The following SMG6 variants were observed in gnomAD, a reference collection of about 807,000 sequenced individuals.
The protein encoded by SMG6 is SMG6 nonsense mediated mRNA decay factor.
In SMG6, 66 loss-of-function variants were observed where a neutral mutation model predicts 142.2. The ratio of observed to expected loss-of-function variants is 0.46; its 90% CI spans 0.38 to 0.57. The LOEUF (loss-of-function observed/expected upper bound fraction) is 0.57. Among genes scored for constraint, SMG6 ranks in the 20% least tolerant of loss-of-function variants. The probability of loss-of-function intolerance (pLI) is 0.00; values close to 1 mark genes in which losing one functional copy is unlikely to be tolerated. For synonymous variants in SMG6, 779 were observed against 702.4 expected, an observed-to-expected ratio of 1.11 and a Z score of -1.72; for missense variants, 1,793 against 1,832.0, an observed-to-expected ratio of 0.98 and a Z score of 0.39.
At chr17:2,176,699 GCAAGGT>G (rs1555549128) in intron 12 of SMG6, among the ~76,000 whole-genome samples, 1 of 152,138 alleles carries the variant, frequency 6.6e-6, no homozygotes, top group Non-Finnish European at 1.5e-5. Context: ...ATCAGCAGTT[GCAAGGT>G]GACCCACTGG....
intron 8 of SMG6, among the ~76,000 whole-genome samples, chr17:2,249,302 T>A (rs893285966): frequency 6.6e-6 from 1 of 151,914 alleles, no homozygotes; most frequent in African/African-American, 2.4e-5. Context: ...TCAATTTTTA[T>A]CATTTATCTT....
At chr17:2,188,218 GCAAT>G (rs1277349520) in intron 11 of SMG6, among the ~76,000 whole-genome samples, 177 bp downstream of exon 11, 1 of 152,132 alleles carries the variant, frequency 6.6e-6, no homozygotes, top group African/African-American at 2.4e-5. Context: ...GGCCTTAGAG[GCAAT>G]CAGACTGTAA....
At chr17:2,163,263 T>A (rs1353823873) in intron 13 of SMG6, among the ~76,000 whole-genome samples, 1 of 152,136 alleles carries the variant, frequency 6.6e-6, no homozygotes. Context: ...CACAGCTCAC[T>A]ACAGCCTCGA....
At chr17:2,156,233 T>C (rs1219387041) in intron 13 of SMG6, among the ~76,000 whole-genome samples, 2 of 149,076 alleles carry the variant, frequency 1.3e-5, no homozygotes, top group East Asian at 2.0e-4. Flanking sequence ...CTACTAAAAA[T>C]ACAAAAAAAA....
chr17:2,191,129 A>G (rs2072149042), intron 10 of SMG6, among the ~76,000 whole-genome samples: 3 of 152,214 alleles, frequency 2.0e-5, no homozygotes, highest in East Asian at 1.9e-4. Flanking sequence ...GGACCTTTCA[A>G]TAGGGTAAAG....
At chr17:2,162,296 A>G (rs916214537) in intron 13 of SMG6, among the ~76,000 whole-genome samples, 5 of 151,920 alleles carry the variant, frequency 3.3e-5, no homozygotes, top group African/African-American at 1.2e-4. Context: ...CCAGATCACG[A>G]GGTCAGGAGA....
At chr17:2,076,170 G>A (rs922033724) in intron 15 of SMG6, among the ~76,000 whole-genome samples, 6 of 151,998 alleles carry the variant, frequency 3.9e-5, no homozygotes, top group African/African-American at 1.2e-4. Context: ...CCAAACATGC[G>A]TGGTTCCTGT....
At chr17:2,214,851 G>A (rs1309907441) in intron 10 of SMG6, among the ~76,000 whole-genome samples, 2 of 152,188 alleles carry the variant, frequency 1.3e-5, no homozygotes, top group African/African-American at 2.4e-5. Context: ...TGAAACCTGT[G>A]ACGGACACCA....
intron 9 of SMG6, among the ~76,000 whole-genome samples, chr17:2,243,495 A>G (rs998599866): frequency 1.3e-5 from 2 of 152,198 alleles, no homozygotes; most frequent in African/African-American, 4.8e-5. Context: ...AGCCTGGCCA[A>G]TATGGTGAAA....
chr17:2,112,756 T>G (rs1259246303), intron 13 of SMG6, among the ~76,000 whole-genome samples: 2 of 129,650 alleles, frequency 1.5e-5, no homozygotes, highest in African/African-American at 5.9e-5. Context: ...AGCTCCAAAC[T>G]TTTTTTTTTT....
intron 9 of SMG6, among the ~76,000 whole-genome samples, chr17:2,241,447 T>G (rs1055172383): frequency 6.6e-6 from 1 of 152,220 alleles, no homozygotes; most frequent in African/African-American, 2.4e-5. Context: ...TTAAACATGT[T>G]AGGCACCCTA....
chr17:2,201,803 C>G (rs2030226806), intron 10 of SMG6, among the ~76,000 whole-genome samples: 1 of 151,428 alleles, frequency 6.6e-6, no homozygotes, highest in Non-Finnish European at 1.5e-5. Context: ...GTGGGTGGAT[C>G]ACTTGAGGCC....
intron 10 of SMG6, chr17:2,213,923 C>A (rs1473112508): frequency 6.6e-6 from 1 of 152,216 alleles, no homozygotes; most frequent in East Asian, 1.9e-4. Flanking sequence ...CCTACCAACT[C>A]TCTTCACTAA....
In SMG6 at chr17:2,297,922, C is replaced by T. The variant is rs1450179399; in HGVS notation, c.1981G>A (p.Asp661Asn). ...TGTTCTGGGTTCTCAACATTCGGAT[C>T]CTTGACAAGTTGCCTGAACTTCTCA... ...VIEKFRQLVK[D>N]PNVENPEQIR... The change falls in exon 3 of 19, where the codon GAT becomes AAT. Residue 661 changes from aspartate (D) to asparagine (N), a missense_variant. Physicochemically the swap from Asp to Asn is conservative, Grantham distance 23. This residue lies in a region of SMG6 where 1,597 missense variants were observed against 1,584.6 expected (regional missense o/e 1.01). Coordinates refer to ENST00000263073, the MANE Select transcript of SMG6 (RefSeq NM_017575.5). 2.5e-6 allele frequency: 4 copies of T among 1,613,092 alleles called. No homozygotes were observed. In the African/African-American group the frequency reaches 5.3e-5, roughly 22 times the overall value.
intron 8 of SMG6, chr17:2,256,291 A>G: frequency 6.6e-6 from 1 of 152,372 alleles, no homozygotes. Flanking sequence ...GAGACCAGGT[A>G]AAAGGTTGTT....
In SMG6 at chr17:2,068,838, G is replaced by GGTGGAC. The variant is rs749791357; in HGVS notation, c.3774_3775insGTCCAC (p.His1258_Leu1259insValHis). 6.2e-7 allele frequency: 1 copy of GGTGGAC among 1,614,246 alleles called. No individual in the cohort carries two copies. Among genetic ancestry groups the GGTGGAC allele is most frequent in the East Asian group, 2.2e-5 (1 of 44,888 alleles). On this transcript the variant is annotated inframe_insertion, in exon 16 of 19. Coordinates refer to ENST00000263073, the MANE Select transcript of SMG6 (RefSeq NM_017575.5). This position sits in a 1 kb window ranked among gnomAD's most constrained non-coding sequence, Gnocchi z 6.7. ...TCCAGCAGCCGCGCCAGACTGGCCA[G>GGTGGAC]GTGGTCAATGAAGCCGTTGGTGTCT... is the stretch of plus-strand genomic sequence containing the variant.
At chr17:2,183,124 A>G (rs914603093) in intron 12 of SMG6, among the ~76,000 whole-genome samples, 12 of 151,938 alleles carry the variant, frequency 7.9e-5, no homozygotes, top group African/African-American at 1.5e-4. Flanking sequence ...TACTTGGGAG[A>G]CTGAGGTGGG....
In SMG6 at chr17:2,303,721, C is replaced by T. The variant is rs761652665; in HGVS notation, c.-1G>A. 2.0e-6 allele frequency: 3 copies of T among 1,491,822 alleles called. No homozygotes were observed. The highest frequency in any genetic ancestry group is 2.9e-5 in the African/African-American group (2 of 68,764). 92.4% of individuals were successfully genotyped at this position (1,491,822 alleles called of 1,614,324 possible). On this transcript the variant is annotated 5_prime_UTR_variant, in exon 1 of 19. Coordinates refer to ENST00000263073, the MANE Select transcript of SMG6 (RefSeq NM_017575.5). ...GCACACGCTCCAGCCCTTCCGCCAT[C>T]TTCGCGGCTGCTGCTACAGCCGTAG... is the stretch of plus-strand genomic sequence containing the variant.
intron 8 of SMG6, among the ~76,000 whole-genome samples, chr17:2,277,612 T>C (rs547736938): frequency 6.7e-4 from 102 of 152,244 alleles, no homozygotes; most frequent in Non-Finnish European, 1.3e-3. Context: ...GTGTGGTTTT[T>C]ATTGCATGAT....
Sources: allele counts gnomAD v4.1 joint callset (sites outside exome capture counted in the v4.1 genomes callset), GRCh38; gene constraint gnomAD v4.1.1; regional missense constraint gnomAD v4.1.1; non-coding constraint Gnocchi (gnomAD v3.1); transcripts MANE v1.5; gene names NCBI Gene and HGNC (gene_info 2026-07-23, HGNC 2026-07-21).